The following POMC variants were observed in gnomAD, a reference collection of about 807,000 sequenced individuals.
POMC encodes proopiomelanocortin, also known as pro-opiomelanocortin.
Under a neutral mutation model 18.5 loss-of-function variants are expected in POMC, and 19 were observed. The ratio of observed to expected loss-of-function variants is 1.03; its 90% confidence interval spans 0.72 to 1.51. The LOEUF (loss-of-function observed/expected upper bound fraction) is 1.51. Among genes scored for constraint, POMC ranks in the 40% most tolerant of loss-of-function variants. The probability of loss-of-function intolerance (pLI) is 0.00; values close to 1 mark genes in which losing one functional copy is unlikely to be tolerated. For synonymous variants in POMC, 179 were observed against 161.9 expected, an observed-to-expected ratio of 1.11 and a Z score of -0.80; for missense variants, 451 against 379.0, an observed-to-expected ratio of 1.19 and a Z score of -1.58.
Position 25,161,142 on chromosome 2 carries a change from G to A in POMC, c.743C>T (p.Thr248Met), listed in dbSNP as rs750328472. The A allele has an allele frequency of 1.2e-6, 2 of 1,613,916 alleles. No individual in the cohort carries two copies. The highest frequency in any genetic ancestry group is 1.1e-5 in the South Asian group (1 of 91,066). Reference sequence around the variant, plus strand: ...GTTTTTGAACAGCGTCACCAGGGGCGTCTGGCTCTTCTCGGAGGTCATGAA... The same window carrying A: ...GTTTTTGAACAGCGTCACCAGGGGCATCTGGCTCTTCTCGGAGGTCATGAA... ...GGFMTSEKSQ[T>M]PLVTLFKNAI... is the part of the protein sequence containing the mutation. The change falls in exon 3 of 3, where the codon ACG (threonine) becomes ATG (methionine). Residue 248 changes from threonine (T) to methionine (M), a missense_variant. By Grantham distance (81) the Thr-to-Met change is moderately conservative (BLOSUM62 -1). Coordinates refer to ENST00000395826, the MANE Select transcript of POMC (RefSeq NM_000939.4). The surrounding 1 kb of genome is among the most constrained non-coding windows in gnomAD (Gnocchi z 5.7).
intron 1 of POMC, among the ~76,000 whole-genome samples, chr2:25,167,542 C>T (rs1287211444): frequency 1.3e-5 from 2 of 152,170 alleles, no homozygotes; most frequent in Non-Finnish European, 2.9e-5. Context: ...GTTTCAGGAT[C>T]TAGGACAGCT....
At chr2:25,165,951 C>T (rs975857446) in intron 1 of POMC, among the ~76,000 whole-genome samples, 10 of 152,240 alleles carry the variant, frequency 6.6e-5, no homozygotes, top group African/African-American at 4.8e-5. Flanking sequence ...CACATTAAAG[C>T]GTGGATGACT....
At chr2:25,163,048 G>C (rs1433318889) in intron 2 of POMC, among the ~76,000 whole-genome samples, 1 of 152,224 alleles carries the variant, frequency 6.6e-6, no homozygotes, top group Non-Finnish European at 1.5e-5. Flanking sequence ...ATAGGCTGCA[G>C]CCTTGAGTTT....
Position 25,161,048 on chromosome 2 carries a change from G to C in POMC, c.*33C>G, listed in dbSNP as rs774779177. 4.5e-5 allele frequency: 73 copies of C among 1,613,532 alleles called. No homozygotes were observed. Among genetic ancestry groups the C allele is most frequent in the Non-Finnish European group, 5.7e-5 (67 of 1,179,938 alleles). On this transcript the variant is annotated 3_prime_UTR_variant, in exon 3 of 3. Coordinates refer to ENST00000395826, the MANE Select transcript of POMC (RefSeq NM_000939.4). This position sits in a 1 kb window ranked among gnomAD's most constrained non-coding sequence, Gnocchi z 5.7. Reference sequence around the variant, plus strand: ...CAAGGGGCTTTGGGGTCGACCTCCTGGGGGAGGGTAGCCCTGGGGCCCCGC... The same window carrying C: ...CAAGGGGCTTTGGGGTCGACCTCCTCGGGGAGGGTAGCCCTGGGGCCCCGC...
intron 2 of POMC, 118 bp downstream of exon 2, chr2:25,164,523 T>G: frequency 6.5e-7 from 1 of 1,528,224 alleles, no homozygotes; most frequent in Non-Finnish European, 9.0e-7. Flanking sequence ...TGCCCTGGAT[T>G]GAATCACGCC....
rs541555617 is a variant in POMC, at chr2:25,161,163, A to T, written c.722T>A (p.Met241Lys). ...PPKDKRYGGF[M>K]TSEKSQTPLV... The stretch of plus-strand genomic sequence containing the variant: ...GGGCGTCTGGCTCTTCTCGGAGGTC[A>T]TGAAACCGCCGTAGCGCTTGTCCTT... Residue 241 changes from methionine (M) to lysine (K), a missense_variant, in exon 3 of 3, where the codon ATG (methionine) becomes AAG (lysine). Transcript: ENST00000395826. This position sits in a 1 kb window ranked among gnomAD's most constrained non-coding sequence, Gnocchi z 5.7. The T allele has an allele frequency of 1.9e-6, 3 of 1,613,884 alleles. No homozygotes were observed. The highest frequency in any genetic ancestry group is 2.5e-6 in the Non-Finnish European group (3 of 1,179,984).
intron 1 of POMC, among the ~76,000 whole-genome samples, chr2:25,166,127 T>C (rs958322080): frequency 6.6e-6 from 1 of 152,244 alleles, no homozygotes; most frequent in Non-Finnish European, 1.5e-5. Context: ...CACTTCCTTC[T>C]CTCTACCCCA....
rs185814172 is a variant in POMC, at chr2:25,161,886, C to G, written c.133-134G>C. Reference sequence around the variant, plus strand: ...ACACAGGGCACAGTGTCGGGCGTGTCAAGCGTCGAGGCCTCCCTACAGAGC... The same window carrying G: ...ACACAGGGCACAGTGTCGGGCGTGTGAAGCGTCGAGGCCTCCCTACAGAGC... On this transcript the variant is annotated intron_variant, in intron 2 of 2. Transcript: ENST00000395826. This position sits in a 1 kb window ranked among gnomAD's most constrained non-coding sequence, Gnocchi z 5.7. The G allele has an allele frequency of 1.4e-4, 194 of 1,410,824 alleles. No individual in the cohort carries two copies. In the African/African-American group the frequency reaches 2.6e-3, roughly 19 times the overall value. The allele number at this position is 1,410,824 out of a possible 1,614,324, so 87.4% of individuals were successfully genotyped here.
At position 25,161,726 on chromosome 2, in the gene POMC, G is replaced by A. The variant is rs1227157051; in HGVS notation, c.159C>T (p.Asp53=). The A allele has an allele frequency of 1.3e-6, 2 of 1,594,544 alleles. No homozygotes were observed. Among genetic ancestry groups the A allele is most frequent in the African/African-American group, 1.3e-5 (1 of 74,338 alleles). The part of the protein sequence containing the change: ...LLECIRACKP[D]LSAETPMFPG... ...GGAACATGGGAGTCTCGGCCGAGAG[G>A]TCGGGCTTGCAGGCCCGGATGCACT... is the stretch of plus-strand genomic sequence containing the variant. The change falls in exon 3 of 3, where the codon GAC becomes GAT. Residue 53 remains aspartate (D), a synonymous_variant. Transcript: ENST00000395826. The surrounding 1 kb of genome is among the most constrained non-coding windows in gnomAD (Gnocchi z 5.7).
rs182385388 is a variant in POMC, at chr2:25,160,977, T to C, written c.*104A>G. 8.4e-6 allele frequency: 13 copies of C among 1,553,284 alleles called. No individual in the cohort carries two copies. The highest frequency in any genetic ancestry group is 1.8e-4 in the Middle Eastern group (1 of 5,468). ...AGGCAGCTTTAAGAGGCTGATTATC[T>C]GCCACGACCCCCCAGGCTGGGAGGC... On this transcript the variant is annotated 3_prime_UTR_variant, in exon 3 of 3. Coordinates refer to ENST00000395826, the MANE Select transcript of POMC (RefSeq NM_000939.4).
rs1429416803 is a variant in POMC, at chr2:25,161,648, C to G, written c.237G>C (p.Met79Ile). 1 of 1,555,262 alleles carries G rather than the reference C, an allele frequency of 6.4e-7. No individual in the cohort carries two copies. Among genetic ancestry groups the G allele is most frequent in the Non-Finnish European group, 8.7e-7 (1 of 1,150,408 alleles). ...PLTENPRKYV[M>I]GHFRWDRFGR... ...CGAATCGGTCCCAGCGGAAGTGGCC[C>G]ATGACGTACTTCCGGGGGTTCTCGG... Residue 79 changes from methionine (M) to isoleucine (I), a missense_variant, in exon 3 of 3, where the codon ATG becomes ATC. Physicochemically the swap from Met to Ile is conservative, Grantham distance 10. Coordinates refer to ENST00000395826, the MANE Select transcript of POMC (RefSeq NM_000939.4). The surrounding 1 kb of genome is among the most constrained non-coding windows in gnomAD (Gnocchi z 5.7).
At position 25,164,579 on chromosome 2, in the gene POMC, A is replaced by C. The variant is rs1472335925; in HGVS notation, c.132+62T>G. ...CCTTTCCCCACACCCTTTTCTTTTG[A>C]GCTTTCCCAGCTCCAGTCCCATCTA... On this transcript the variant is annotated intron_variant, in intron 2 of 2. Coordinates refer to ENST00000395826, the MANE Select transcript of POMC (RefSeq NM_000939.4). 9.3e-6 allele frequency: 15 copies of C among 1,611,294 alleles called. No individual in the cohort carries two copies. The East Asian group carries it at 3.3e-4, about 36-fold the overall frequency.
In POMC at chr2:25,164,654, T is replaced by A; in HGVS notation, c.119A>T (p.Glu40Val). ...TGGCCCACGTACCAGCAGGTTGCTT[T>A]CCGTGGTGAGGTCCTGACACTGGCT... ...ESSQCQDLTT[E>V]SNLLECIRAC... Residue 40 changes from glutamate to valine, a missense_variant, in exon 2 of 3, where the codon GAA becomes GTA. Coordinates refer to ENST00000395826, the MANE Select transcript of POMC (RefSeq NM_000939.4). 6.2e-7 allele frequency: 1 copy of A among 1,614,108 alleles called. No individual in the cohort carries two copies. The highest frequency in any genetic ancestry group is 8.5e-7 in the Non-Finnish European group (1 of 1,179,962).
rs1363810477 is a variant in POMC at position 25,168,107 on chromosome 2, T to C, written c.-21+391A>G. 6.9e-6 allele frequency among the ~76,000 whole-genome samples: 1 copy of C among 144,640 alleles called. No homozygotes were observed. Among genetic ancestry groups the C allele is most frequent in the Non-Finnish European group, 1.5e-5 (1 of 67,072 alleles). The allele number at this position is 144,640 out of a possible 152,430, so 94.9% of individuals were successfully genotyped here. On this transcript the variant is annotated intron_variant, in intron 1 of 2. Coordinates refer to ENST00000395826, the MANE Select transcript of POMC (RefSeq NM_000939.4). The surrounding 1 kb of genome is among the most constrained non-coding windows in gnomAD (Gnocchi z 5.2). ...AGGCGAAGGTTGCGGTGAGCAGAGA[T>C]CACCCCTTTGCTCTCCAGCATGGGC...
At chr2:25,164,503 G>T in intron 2 of POMC, 138 bp downstream of exon 2, 3 of 1,390,006 alleles carry the variant, frequency 2.2e-6, no homozygotes, top group Non-Finnish European at 3.1e-6. Context: ...TCACTGCAAA[G>T]TTTTGCTCCT....
intron 2 of POMC, among the ~76,000 whole-genome samples, chr2:25,163,499 T>C (rs565877743): frequency 6.6e-6 from 1 of 152,368 alleles, no homozygotes; most frequent in East Asian, 1.9e-4. Flanking sequence ...ATCTTCACCT[T>C]AACTCAGCTT....
intron 2 of POMC, among the ~76,000 whole-genome samples, chr2:25,162,167 G>A: frequency 6.6e-6 from 1 of 152,146 alleles, no homozygotes; most frequent in Non-Finnish European, 1.5e-5. Flanking sequence ...GAATATTGAG[G>A]GCCGGGCACG....
intron 1 of POMC, among the ~76,000 whole-genome samples, chr2:25,167,589 C>A (rs1397757157): frequency 1.3e-5 from 2 of 152,128 alleles, no homozygotes; most frequent in East Asian, 3.9e-4. Flanking sequence ...CCAGCTAGGT[C>A]TTGGAGAGAA....
Position 25,168,154 on chromosome 2 carries a change from CAA to C in POMC, c.-21+342_-21+343del, listed in dbSNP as rs376657620. Among the ~76,000 whole-genome samples, 24 of 124,966 alleles carry C rather than the reference CAA, an allele frequency of 1.9e-4. No individual in the cohort carries two copies. Among genetic ancestry groups the C allele is most frequent in the Non-Finnish European group, 2.2e-4 (13 of 58,540 alleles). The allele number at this position is 124,966 out of a possible 152,430, so 82.0% of individuals were successfully genotyped here. A position where few individuals can be genotyped will look rare whatever the true frequency, so the allele number is the denominator to read the frequency against. On this transcript the variant is annotated intron_variant, in intron 1 of 2. Transcript: ENST00000395826. This position sits in a 1 kb window ranked among gnomAD's most constrained non-coding sequence, Gnocchi z 5.2. Reference sequence around the variant, plus strand: ...GGGCAACAAGAGCGAAACTCCGTCTCAAAAAAAAAAAAAAAGACCGGGTTGTC... The same window carrying C: ...GGGCAACAAGAGCGAAACTCCGTCTCAAAAAAAAAAAAAGACCGGGTTGTC...
Sources: allele counts gnomAD v4.1 joint callset (sites outside exome capture counted in the v4.1 genomes callset), GRCh38; gene constraint gnomAD v4.1.1; non-coding constraint Gnocchi (gnomAD v3.1); transcripts MANE v1.5; gene names NCBI Gene and HGNC (gene_info 2026-07-23, HGNC 2026-07-21).